Variants in ANKRD33B observed in about 807,000 individuals in gnomAD.
ANKRD33B encodes ankyrin repeat domain 33B.
A neutral mutation model predicts 21.5 loss-of-function variants in ANKRD33B; 6 were observed. The observed-to-expected ratio is 0.28, with a 90% CI of 0.15 to 0.55. The LOEUF is 0.55. Ranked by LOEUF, ANKRD33B falls within the 20% of genes least tolerant of loss-of-function variation. The pLI is 0.94. For synonymous variants in ANKRD33B, 347 were observed against 342.4 expected (o/e 1.01, Z -0.15); for missense variants, 698 against 747.2 (o/e 0.93, Z 0.77).
At chr5:10,605,364 A>G (rs1736023299) in intron 1 of ANKRD33B, among the ~76,000 whole-genome samples, 1 of 152,210 alleles carries the variant, frequency 6.6e-6, no homozygotes, top group East Asian at 1.9e-4. Flanking sequence ...GAGGCTGGCT[A>G]CCACAGTTGT....
intron 1 of ANKRD33B, among the ~76,000 whole-genome samples, chr5:10,580,988 C>A (rs568120461): frequency 1.3e-5 from 2 of 152,294 alleles, no homozygotes; most frequent in Non-Finnish European, 2.9e-5. Context: ...CAAAGGGCTG[C>A]CAGTCGGTGG....
At chr5:10,624,856 G>T (rs577482349) in intron 2 of ANKRD33B, 25 of 455,636 alleles carry the variant, frequency 5.5e-5, no homozygotes, top group South Asian at 3.7e-4. Flanking sequence ...AGACTGCCAG[G>T]CCCTGCCCCT....
intron 1 of ANKRD33B, among the ~76,000 whole-genome samples, chr5:10,570,448 A>T (rs553574054): frequency 6.6e-6 from 1 of 150,730 alleles, no homozygotes; most frequent in Non-Finnish European, 1.5e-5. Context: ...CCTGTTTTCC[A>T]TGGCAGGGGC....
At chr5:10,606,166 T>C (rs559604459) in intron 1 of ANKRD33B, among the ~76,000 whole-genome samples, 2 of 152,334 alleles carry the variant, frequency 1.3e-5, no homozygotes, top group African/African-American at 4.8e-5. Context: ...GTTTCATACA[T>C]TACTAATCTA....
chr5:10,643,531 C>G (rs1737113238), intron 3 of ANKRD33B, among the ~76,000 whole-genome samples: 1 of 152,090 alleles, frequency 6.6e-6, no homozygotes, highest in African/African-American at 2.4e-5. Context: ...AGTGTGACAT[C>G]TTGGCCGGGC....
In ANKRD33B at chr5:10,653,078, A is replaced by C. The variant is rs2126615142; in HGVS notation, c.*2965A>C. ...AAGATTGGATTTTGAAACCTGCCAG[A>C]CCCAACTGAAAGAAGGGTCATTCCT... is the stretch of plus-strand genomic sequence containing the variant. On this transcript the variant is annotated 3_prime_UTR_variant, in exon 4 of 4. Coordinates refer to ENST00000296657, the MANE Select transcript of ANKRD33B (RefSeq NM_001164440.2). The C allele has an allele frequency of 5.7e-6, 1 of 175,740 alleles. No individual in the cohort carries two copies. Among genetic ancestry groups the C allele is most frequent in the South Asian group, 1.2e-4 (1 of 8,150 alleles). The allele number at this position is 175,740 out of a possible 1,614,324, so 10.9% of individuals were successfully genotyped here.
intron 1 of ANKRD33B, among the ~76,000 whole-genome samples, chr5:10,607,265 T>C (rs114200480): frequency 0.014 from 2,147 of 152,304 alleles, 38 homozygotes; most frequent in African/African-American, 0.049. Context: ...TCATTCATGC[T>C]GTTGTGCGCC....
intron 1 of ANKRD33B, among the ~76,000 whole-genome samples, chr5:10,599,028 A>G (rs1179859626): frequency 6.6e-6 from 1 of 152,234 alleles, no homozygotes; most frequent in East Asian, 1.9e-4. Context: ...GAGCATTTCC[A>G]TCACCATAGT....
At chr5:10,592,800 A>G (rs1735725938) in intron 1 of ANKRD33B, among the ~76,000 whole-genome samples, 2 of 152,248 alleles carry the variant, frequency 1.3e-5, no homozygotes, top group East Asian at 3.9e-4. Flanking sequence ...CCTGCTCATC[A>G]TAGCTACTCT....
rs144309085 is a variant in ANKRD33B at position 10,651,085 on chromosome 5, C to T, written c.*972C>T. The T allele has an allele frequency of 8.8e-4, 134 of 152,326 alleles. No homozygotes were observed. The highest frequency in any genetic ancestry group is 2.9e-3 in the African/African-American group (121 of 41,502). The allele number at this position is 152,326 out of a possible 1,614,324, so 9.4% of individuals were successfully genotyped here. ...AACAAGAGTCAGGAGCCCAGAATGA[C>T]GCAAATTACAGGAATGGGGAGGAGG... is the stretch of plus-strand genomic sequence containing the variant. On this transcript the variant is annotated 3_prime_UTR_variant, in exon 4 of 4. Transcript: ENST00000296657.
chr5:10,603,033 C>T (rs553340792), intron 1 of ANKRD33B, among the ~76,000 whole-genome samples: 2 of 150,080 alleles, frequency 1.3e-5, no homozygotes, highest in African/African-American at 2.4e-5. Flanking sequence ...AGGCTGGTCT[C>T]GAGCTTCTGA....
At chr5:10,567,615 C>G (rs971664832) in intron 1 of ANKRD33B, among the ~76,000 whole-genome samples, 3 of 152,194 alleles carry the variant, frequency 2.0e-5, no homozygotes, top group Non-Finnish European at 4.4e-5. Context: ...CTCCTCTTGT[C>G]CAAGCCTACA....
chr5:10,569,684 G>A (rs1735133582), intron 1 of ANKRD33B, among the ~76,000 whole-genome samples: 2 of 152,154 alleles, frequency 1.3e-5, no homozygotes, highest in East Asian at 3.9e-4. Flanking sequence ...TGAGAAAGCG[G>A]GTGAGGAGGG....
rs10658307 is a variant in ANKRD33B, at chr5:10,594,221, C to CTTTTT, written c.367-24093_367-24089dup. On this transcript the variant is annotated intron_variant, in intron 1 of 3. Transcript: ENST00000296657. Reference sequence around the variant, plus strand: ...ATGCATTTTAAAAACACACATCCTTCTTTTTTTTTTTTTTTTTTTTTTTGA... The same window carrying CTTTTT: ...ATGCATTTTAAAAACACACATCCTTCTTTTTTTTTTTTTTTTTTTTTTTTTTTTGA... Among the ~76,000 whole-genome samples the CTTTTT allele has an allele frequency of 3.0e-3, 253 of 83,046 alleles. 1 individual carries two copies. Among genetic ancestry groups the CTTTTT allele is most frequent in the Middle Eastern group, 0.012 (1 of 86 alleles). The allele number at this position is 83,046 out of a possible 152,430, so 54.5% of individuals were successfully genotyped here. A position where few individuals can be genotyped will look rare whatever the true frequency, so the allele number is the denominator to read the frequency against.
chr5:10,626,804 C>G (rs1463622312), intron 2 of ANKRD33B, among the ~76,000 whole-genome samples: 1 of 152,204 alleles, frequency 6.6e-6, no homozygotes, highest in Non-Finnish European at 1.5e-5. Flanking sequence ...AGTATCGTTG[C>G]CATCTCACCA....
intron 2 of ANKRD33B, among the ~76,000 whole-genome samples, chr5:10,635,176 A>G (rs773679785): frequency 6.6e-6 from 1 of 152,296 alleles, no homozygotes; most frequent in South Asian, 2.1e-4. Context: ...TATCAGTGCA[A>G]AGGAACATCC....
chr5:10,623,853 T>C (rs557258189), intron 2 of ANKRD33B, among the ~76,000 whole-genome samples: 3 of 152,330 alleles, frequency 2.0e-5, no homozygotes, highest in East Asian at 1.9e-4. Flanking sequence ...ATTATCCTGC[T>C]TCCTCCACTT....
intron 1 of ANKRD33B, among the ~76,000 whole-genome samples, chr5:10,589,658 GTCTTA>G (rs1027182554): frequency 3.9e-5 from 6 of 152,124 alleles, no homozygotes; most frequent in South Asian, 2.1e-4. Context: ...TGATTAGTCT[GTCTTA>G]TCTTCTTGAG....
chr5:10,577,978 C>T (rs567108406), intron 1 of ANKRD33B, among the ~76,000 whole-genome samples: 17 of 152,292 alleles, frequency 1.1e-4, no homozygotes, highest in East Asian at 7.7e-4. Context: ...ACTTAAGAGT[C>T]GCGTTTCAGG....
Sources: gnomAD v4.1 joint callset for allele counts (sites outside exome capture counted in the v4.1 genomes callset) on GRCh38, gnomAD v4.1.1 for gene constraint, MANE v1.5 for transcripts, NCBI Gene and HGNC (gene_info 2026-07-23, HGNC 2026-07-21) for gene names.